The following FAM193B variants were observed in gnomAD, a reference collection of about 807,000 sequenced individuals.
The protein encoded by FAM193B is family with sequence similarity 193 member B.
In FAM193B, 27 loss-of-function variants were observed where a neutral mutation model predicts 70.7. The ratio of observed to expected loss-of-function variants is 0.38; its 90% CI spans 0.28 to 0.53. The LOEUF (loss-of-function observed/expected upper bound fraction) is 0.53, where lower values mean the gene tolerates loss of function less well. FAM193B is among the 20% of genes least tolerant of loss of function. FAM193B has a pLI of 0.81. For synonymous variants in FAM193B, 448 were observed against 436.0 expected (o/e 1.03, Z -0.34); for missense variants, 1,022 against 1,072.5 (o/e 0.95, Z 0.66).
At chr5:177,554,079 G>A (rs1010153926) in intron 1 of FAM193B, 170 bp downstream of exon 1, 80 of 1,381,980 alleles carry the variant, frequency 5.8e-5, no homozygotes, top group Non-Finnish European at 7.0e-5. Flanking sequence ...GGGGAGAGGG[G>A]TCCAGCCTCC....
rs575059741 is a variant in FAM193B, at chr5:177,554,315, C to T, written c.144G>A (p.Ala48=). ...GGCCGTCGTGGTCGGGCTCCGCCGG[C>T]GCCTCCGGAGGGCCTGCACCCGCTC... ...EAGAGAGPPE[A]PAEPDHDGPR... The change falls in exon 1 of 9, where the codon GCG becomes GCA. Residue 48 remains alanine, a synonymous_variant. Coordinates refer to ENST00000514747, the MANE Select transcript of FAM193B (RefSeq NM_001190946.3). 1,210 of 1,342,482 alleles carry T rather than the reference C, an allele frequency of 9.0e-4. 29 individuals carry two copies. In the South Asian group the frequency reaches 0.02, roughly 22 times the overall value. 83.2% of individuals were successfully genotyped at this position (1,342,482 alleles called of 1,614,324 possible). A position where few individuals can be genotyped will look rare whatever the true frequency, so the allele number is the denominator to read the frequency against.
In FAM193B at chr5:177,536,482, G is replaced by A. The variant is rs867262098; in HGVS notation, c.952C>T (p.Pro318Ser). The A allele has an allele frequency of 6.3e-7, 1 of 1,578,186 alleles. No homozygotes were observed. Among genetic ancestry groups the A allele is most frequent in the South Asian group, 1.2e-5 (1 of 86,256 alleles). The change falls in exon 4 of 9, where the codon CCG (proline) becomes TCG (serine). Residue 318 changes from proline (P) to serine (S), a missense_variant. Transcript: ENST00000514747. ...QSSHLPSTSM[P>S]LLKMPPPFSG... ...AATGGTGGGGGCATCTTCAGGAGCGGCATGCTGGTGGAGGGTAGATGGGAG... is the reference window on the plus strand; with the variant it reads ...AATGGTGGGGGCATCTTCAGGAGCGACATGCTGGTGGAGGGTAGATGGGAG...
At chr5:177,526,035 T>A (rs1289351618) in intron 5 of FAM193B, among the ~76,000 whole-genome samples, 4 of 152,176 alleles carry the variant, frequency 2.6e-5, no homozygotes, top group Non-Finnish European at 5.9e-5. Context: ...CGCCATTGAC[T>A]CCCACTGCCT....
chr5:177,534,807 A>G (rs1763986399), intron 4 of FAM193B, among the ~76,000 whole-genome samples: 1 of 152,180 alleles, frequency 6.6e-6, no homozygotes, highest in Non-Finnish European at 1.5e-5. Context: ...TTGTAGAGAC[A>G]GAGTCTCATT....
intron 1 of FAM193B, among the ~76,000 whole-genome samples, chr5:177,541,922 T>C (rs371463330): frequency 3.9e-5 from 6 of 152,334 alleles, no homozygotes; most frequent in African/African-American, 1.4e-4. Context: ...GTAAATGCTA[T>C]GTAAATAGCT....
intron 5 of FAM193B, among the ~76,000 whole-genome samples, chr5:177,530,529 G>C (rs1316940529): frequency 6.6e-6 from 1 of 152,132 alleles, no homozygotes; most frequent in East Asian, 1.9e-4. Flanking sequence ...CTCTCCCTTG[G>C]CCTGCGTTTC....
chr5:177,543,960 C>T (rs1244122515), intron 1 of FAM193B, among the ~76,000 whole-genome samples: 1 of 152,262 alleles, frequency 6.6e-6, no homozygotes, highest in African/African-American at 2.4e-5. Flanking sequence ...ATTCTTGAAT[C>T]CAGCAGCCCT....
chr5:177,526,156 T>C (rs1397008240), intron 5 of FAM193B, among the ~76,000 whole-genome samples: 3 of 152,200 alleles, frequency 2.0e-5, no homozygotes, highest in Admixed American at 6.5e-5. Context: ...AGGGTGACCC[T>C]GCGTCCCAGC....
At position 177,524,004 on chromosome 5, in the gene FAM193B, G is replaced by A. The variant is rs1242688354; in HGVS notation, c.2325C>T (p.Asp775=). The A allele has an allele frequency of 6.8e-6, 11 of 1,613,938 alleles. No homozygotes were observed. The highest frequency in any genetic ancestry group is 4.5e-5 in the East Asian group (2 of 44,888). ...LDDVFLPKDM[D]GVEMDETDRE... ...GGTCAGTCTCATCCATCTCCACCCC[G>A]TCCATGTCCTTGGGCAGGAACACAT... Residue 775 remains aspartate, a synonymous_variant, in exon 7 of 9, where the codon GAC becomes GAT. Coordinates refer to ENST00000514747, the MANE Select transcript of FAM193B (RefSeq NM_001190946.3).
chr5:177,523,473 A>G (rs1762090744), intron 7 of FAM193B, among the ~76,000 whole-genome samples: 1 of 151,772 alleles, frequency 6.6e-6, no homozygotes, highest in Non-Finnish European at 1.5e-5. Context: ...ATACCTTTTC[A>G]TCTTATCTGG....
At chr5:177,552,086 G>A in intron 1 of FAM193B, 1 of 985,312 alleles carries the variant, frequency 1.0e-6, no homozygotes, top group Non-Finnish European at 1.2e-6. Context: ...TACAGTTGGA[G>A]TCATTTGGGC....
chr5:177,542,568 G>A (rs551060397), intron 1 of FAM193B, among the ~76,000 whole-genome samples: 59 of 152,316 alleles, frequency 3.9e-4, no homozygotes, highest in East Asian at 2.1e-3. Context: ...TCAACCCCAT[G>A]AAGTCATTCC....
At chr5:177,553,668 T>C in intron 1 of FAM193B, 4 of 1,284,192 alleles carry the variant, frequency 3.1e-6, no homozygotes, top group East Asian at 5.6e-5. Flanking sequence ...CAGGTTCTGC[T>C]GGGTTTCCAC....
chr5:177,537,765 T>G, intron 3 of FAM193B, 108 bp downstream of exon 3: 1 of 1,422,476 alleles, frequency 7.0e-7, no homozygotes. Context: ...AGTTCCACTT[T>G]TACTTATTTT....
intron 1 of FAM193B, among the ~76,000 whole-genome samples, chr5:177,550,078 G>A (rs946128450): frequency 2.6e-5 from 4 of 152,106 alleles, no homozygotes; most frequent in Admixed American, 2.0e-4. Flanking sequence ...TATTTGGGAG[G>A]CTTAAGGAGA....
intron 5 of FAM193B, among the ~76,000 whole-genome samples, chr5:177,529,229 T>C (rs1763090757): frequency 6.7e-6 from 1 of 149,900 alleles, no homozygotes; most frequent in South Asian, 2.1e-4. Context: ...CACCTTCGTG[T>C]AGACAGAAGA....
intron 1 of FAM193B, among the ~76,000 whole-genome samples, chr5:177,547,693 C>T (rs1205546890): frequency 1.3e-5 from 2 of 152,200 alleles, no homozygotes; most frequent in Admixed American, 6.5e-5. Context: ...ATAAAACCTT[C>T]AGTGTTTGCA....
intron 5 of FAM193B, among the ~76,000 whole-genome samples, chr5:177,528,404 G>C (rs1470740947): frequency 6.6e-6 from 1 of 152,202 alleles, no homozygotes; most frequent in East Asian, 1.9e-4. Flanking sequence ...GAGGGGTTGA[G>C]AGAGAGGTAA....
chr5:177,531,240 C>T lies in FAM193B; in HGVS notation c.1275+1203G>A, dbSNP rs781592130. The T allele has an allele frequency of 8.9e-6, 11 of 1,231,890 alleles. No individual in the cohort carries two copies. In the South Asian group the frequency reaches 1.5e-4, roughly 17 times the overall value. The allele number at this position is 1,231,890 out of a possible 1,614,324, so 76.3% of individuals were successfully genotyped here. On this transcript the variant is annotated intron_variant, in intron 5 of 8. Transcript: ENST00000514747. ...TCCTGGGGGTTGGGGCGAGGGTCCTCAGGGAGGAGAGACGGCAGAGCTGGG... is the reference window on the plus strand; with the variant it reads ...TCCTGGGGGTTGGGGCGAGGGTCCTTAGGGAGGAGAGACGGCAGAGCTGGG...
Sources: allele counts gnomAD v4.1 joint callset (sites outside exome capture counted in the v4.1 genomes callset), GRCh38; gene constraint gnomAD v4.1.1; transcripts MANE v1.5; gene names NCBI Gene and HGNC (gene_info 2026-07-23, HGNC 2026-07-21).